The following SORD variants were observed in gnomAD, a reference collection of about 807,000 sequenced individuals.
SORD encodes (R,R)-butanediol dehydrogenase.
A neutral mutation model predicts 35.6 loss-of-function variants in SORD; 18 were observed. The observed-to-expected ratio is 0.51, with a 90% confidence interval of 0.35 to 0.75. The LOEUF is 0.75. SORD is among the 30% of genes least tolerant of loss of function. The pLI is 0.01. For synonymous variants in SORD, 106 were observed against 152.9 expected, an observed-to-expected ratio of 0.69 and a Z score of 2.26; for missense variants, 250 against 390.2, an observed-to-expected ratio of 0.64 and a Z score of 3.03.
At chr15:45,031,709 G>C (rs892027112) in intron 1 of SORD, among the ~76,000 whole-genome samples, 3 of 151,048 alleles carry the variant, frequency 2.0e-5, no homozygotes, top group African/African-American at 7.3e-5. Flanking sequence ...CACCTGCCTC[G>C]GCCTCCCAAA....
At chr15:45,028,290 G>A (rs1892710943) in intron 1 of SORD, among the ~76,000 whole-genome samples, 1 of 152,248 alleles carries the variant, frequency 6.6e-6, no homozygotes, top group Admixed American at 6.5e-5. Context: ...TCATGCCACT[G>A]CACTGCAGCG....
chr15:45,053,730 G>T (rs1005471142), intron 3 of SORD, among the ~76,000 whole-genome samples: 2 of 148,758 alleles, frequency 1.3e-5, no homozygotes, highest in Admixed American at 6.7e-5. Context: ...TGCCATGCTG[G>T]TGTGCTGCAC....
At chr15:45,052,632 C>G (rs1200373532) in intron 3 of SORD, among the ~76,000 whole-genome samples, 1 of 152,154 alleles carries the variant, frequency 6.6e-6, no homozygotes, top group Non-Finnish European at 1.5e-5. Context: ...TGCCTCTTAG[C>G]AAAAGAAAAT....
intron 3 of SORD, among the ~76,000 whole-genome samples, chr15:45,054,183 T>C (rs1053207096): frequency 2.7e-4 from 41 of 152,372 alleles, no homozygotes; most frequent in Non-Finnish European, 1.9e-4. Flanking sequence ...CTAGGTCAAA[T>C]GGTATTTCTA....
chr15:45,036,190 C>G, intron 1 of SORD: 1 of 368,694 alleles, frequency 2.7e-6, no homozygotes, highest in South Asian at 2.1e-5. Flanking sequence ...CCTTTAGGAA[C>G]TGTAACACTC....
chr15:45,069,842 C>T (rs1164964579), intron 7 of SORD: 1 of 152,132 alleles, frequency 6.6e-6, no homozygotes, highest in African/African-American at 2.4e-5. Flanking sequence ...CTGACTACTG[C>T]TTGTTTTGTC....
At chr15:45,064,161 G>A (rs1464508517) in intron 4 of SORD, among the ~76,000 whole-genome samples, 2 of 150,748 alleles carry the variant, frequency 1.3e-5, no homozygotes, top group Non-Finnish European at 3.0e-5. Flanking sequence ...GTAAATCCTG[G>A]GCAGTGAGGA....
intron 3 of SORD, among the ~76,000 whole-genome samples, chr15:45,059,610 C>T (rs1363214708): frequency 6.6e-6 from 1 of 152,174 alleles, no homozygotes; most frequent in East Asian, 1.9e-4. Context: ...TCTCCCACCT[C>T]AGCCTCCCAA....
intron 3 of SORD, among the ~76,000 whole-genome samples, chr15:45,053,233 A>G (rs1201369217): frequency 6.6e-6 from 1 of 152,214 alleles, no homozygotes. Flanking sequence ...CAAAAAGGAA[A>G]TACATCCAAC....
chr15:45,063,002 G>C (rs1453270287), intron 4 of SORD, among the ~76,000 whole-genome samples: 1 of 148,484 alleles, frequency 6.7e-6, no homozygotes, highest in East Asian at 1.9e-4. Context: ...TAGTGGTCTG[G>C]GCATGGAGGT....
In SORD at chr15:45,049,676, T is replaced by C. The variant is rs553269736; in HGVS notation, c.265+6255T>C. Among the ~76,000 whole-genome samples, 28 of 152,314 alleles carry C rather than the reference T, an allele frequency of 1.8e-4. 1 individual carries two copies. The South Asian group carries it at 5.8e-3, about 32-fold the overall frequency. ...GGGCTGCCCATTCATTCCCATCATCTGGCAGGATTTGCAGGATAATTGCTC... is the reference window on the plus strand; with the variant it reads ...GGGCTGCCCATTCATTCCCATCATCCGGCAGGATTTGCAGGATAATTGCTC... On this transcript the variant is annotated intron_variant, in intron 3 of 8. Transcript: ENST00000267814.
chr15:45,071,817 T>C (rs1197400631), intron 7 of SORD, among the ~76,000 whole-genome samples: 1 of 115,476 alleles, frequency 8.7e-6, no homozygotes, highest in Non-Finnish European at 1.8e-5. Flanking sequence ...AAAAGATTTC[T>C]AACTGCCAGC....
intron 3 of SORD, among the ~76,000 whole-genome samples, chr15:45,056,887 C>T (rs567497792): frequency 6.6e-6 from 1 of 152,128 alleles, no homozygotes; most frequent in Non-Finnish European, 1.5e-5. Flanking sequence ...ATTGTGGGTA[C>T]TTTAAGGTTT....
intron 4 of SORD, among the ~76,000 whole-genome samples, chr15:45,064,768 T>C (rs1241553503): frequency 3.3e-5 from 5 of 152,244 alleles, no homozygotes; most frequent in Non-Finnish European, 5.9e-5. Flanking sequence ...GAGAAGCAGA[T>C]GAGATGCTGG....
At chr15:45,031,342 A>G (rs1892783091) in intron 1 of SORD, among the ~76,000 whole-genome samples, 1 of 133,084 alleles carries the variant, frequency 7.5e-6, no homozygotes, top group Non-Finnish European at 1.5e-5. Flanking sequence ...AAAAAAAACA[A>G]CAGGGAATGA....
Position 45,068,230 on chromosome 15 carries a change from T to C in SORD, c.594T>C (p.Ala198=). 3 of 1,613,320 alleles carry C rather than the reference T, an allele frequency of 1.9e-6. No homozygotes were observed. Residue 198 remains alanine, a synonymous_variant, in exon 6 of 9, where the codon GCT becomes GCC. Transcript: ENST00000267814. The part of the protein sequence containing the change: ...TLLVAKAMGA[A]QVVVTDLSAT... ...TCGTGGCCAAAGCAATGGGAGCAGC[T>C]CAAGTAGTGGTGACTGGTAAGACTT...
At chr15:45,026,228 G>T (rs1227288539) in intron 1 of SORD, among the ~76,000 whole-genome samples, 1 of 152,196 alleles carries the variant, frequency 6.6e-6, no homozygotes. Flanking sequence ...AGGCTCAGTG[G>T]CTTGGGTTTG....
intron 2 of SORD, chr15:45,041,707 C>T (rs1274833060): frequency 6.6e-6 from 1 of 152,134 alleles, no homozygotes; most frequent in Admixed American, 6.5e-5. Context: ...ACCGTTGATT[C>T]CAGAAGTGGC....
At chr15:45,071,201 G>A (rs1893507467) in intron 7 of SORD, among the ~76,000 whole-genome samples, 1 of 152,128 alleles carries the variant, frequency 6.6e-6, no homozygotes, top group Non-Finnish European at 1.5e-5. Flanking sequence ...CTTGACCTGG[G>A]GTCAGCAAAC....
Sources: gnomAD v4.1 joint callset for allele counts (sites outside exome capture counted in the v4.1 genomes callset) on GRCh38, gnomAD v4.1.1 for gene constraint, MANE v1.5 for transcripts, NCBI Gene and HGNC (gene_info 2026-07-23, HGNC 2026-07-21) for gene names.